The following PPP6R3 variants were observed in gnomAD, a reference collection of about 807,000 sequenced individuals.
The protein encoded by PPP6R3 is serine/threonine-protein phosphatase 6 regulatory subunit 3.
PPP6R3 carries 38 observed loss-of-function variants against 110.7 expected under a neutral mutation model. The observed-to-expected ratio is 0.34, with a 90% CI of 0.26 to 0.45. The LOEUF (loss-of-function observed/expected upper bound fraction) is 0.45, where lower values mean the gene tolerates loss of function less well. Ranked by LOEUF, PPP6R3 falls within the 20% of genes least tolerant of loss-of-function variation. The pLI, the probability that PPP6R3 is intolerant of heterozygous loss-of-function variation, is 1.00. For missense variants in PPP6R3, 870 were observed against 1,062.4 expected (o/e 0.82, Z 2.52); for synonymous variants, 369 against 373.5 (o/e 0.99, Z 0.14).
At chr11:68,542,390 T>TTTTTTTTTTTTTTG (rs2099322500) in intron 3 of PPP6R3, among the ~76,000 whole-genome samples, 1 of 54,660 alleles carries the variant, frequency 1.8e-5, no homozygotes, top group Non-Finnish European at 3.5e-5. Flanking sequence ...GAAGCTGCTG[T>TTTTTTTTTTTTTTG]TTTTTTTTTT....
chr11:68,500,541 G>C (rs1185027290), intron 1 of PPP6R3, among the ~76,000 whole-genome samples: 2 of 152,188 alleles, frequency 1.3e-5, no homozygotes, highest in African/African-American at 4.8e-5. Context: ...GCAGTGGTGT[G>C]ATCTTAGCTC....
chr11:68,599,684 G>A (rs1437687277), intron 19 of PPP6R3, among the ~76,000 whole-genome samples: 1 of 152,218 alleles, frequency 6.6e-6, no homozygotes, highest in Admixed American at 6.5e-5. Context: ...AAGATAGTAA[G>A]TCTCCATATA....
intron 1 of PPP6R3, among the ~76,000 whole-genome samples, chr11:68,462,707 A>G (rs777892974): frequency 2.0e-4 from 31 of 152,166 alleles, no homozygotes; most frequent in Non-Finnish European, 4.1e-4. Context: ...AAATGCCTGC[A>G]CTCAGTCAGA....
At chr11:68,539,375 A>G (rs2099295624) in intron 3 of PPP6R3, among the ~76,000 whole-genome samples, 1 of 152,196 alleles carries the variant, frequency 6.6e-6, no homozygotes, top group Non-Finnish European at 1.5e-5. Flanking sequence ...ACTTTCCACA[A>G]AAGTACTGCG....
At chr11:68,561,021 C>T (rs1000806645) in intron 8 of PPP6R3, among the ~76,000 whole-genome samples, 3 of 151,332 alleles carry the variant, frequency 2.0e-5, no homozygotes, top group East Asian at 1.9e-4. Flanking sequence ...CTCAGTCTCC[C>T]GAGTAGCTGG....
At chr11:68,534,765 T>A (rs967477172) in intron 2 of PPP6R3, among the ~76,000 whole-genome samples, 2 of 152,150 alleles carry the variant, frequency 1.3e-5, no homozygotes, top group South Asian at 2.1e-4. Context: ...AAATATATTT[T>A]AAAAAAAGGT....
At chr11:68,557,513 C>CT (rs1208252549) in intron 7 of PPP6R3, among the ~76,000 whole-genome samples, 3 of 151,458 alleles carry the variant, frequency 2.0e-5, no homozygotes, top group Non-Finnish European at 2.9e-5. Flanking sequence ...TTTTCTTTTT[C>CT]TTTTTTTTCT....
At chr11:68,476,862 T>C (rs981039994) in intron 1 of PPP6R3, among the ~76,000 whole-genome samples, 5 of 151,338 alleles carry the variant, frequency 3.3e-5, no homozygotes, top group African/African-American at 1.2e-4. Flanking sequence ...GCTCTACATA[T>C]ATATATTTTT....
rs186225959 is a variant in PPP6R3, at chr11:68,601,505, A to T, written c.2193-358A>T. Among the ~76,000 whole-genome samples, 69 of 152,336 alleles carry T rather than the reference A, an allele frequency of 4.5e-4. No individual in the cohort carries two copies. In the South Asian group the frequency reaches 0.013, roughly 30 times the overall value. ...GGTTTTTGTAAAACCAGTCAACCTG[A>T]TAAATACCGTTGCCATTGCACAATG... On this transcript the variant is annotated intron_variant, in intron 20 of 23. Coordinates refer to ENST00000393800, the MANE Select transcript of PPP6R3 (RefSeq NM_001164161.2).
At chr11:68,591,758 G>T (rs2099596012) in intron 18 of PPP6R3, 52 bp downstream of exon 18, 1 of 1,554,554 alleles carries the variant, frequency 6.4e-7, no homozygotes, top group South Asian at 1.2e-5. Context: ...TAAAGAAAAT[G>T]ATTATCATGA....
intron 1 of PPP6R3, among the ~76,000 whole-genome samples, chr11:68,470,543 G>T (rs1443119090): frequency 6.6e-6 from 1 of 152,152 alleles, no homozygotes; most frequent in African/African-American, 2.4e-5. Context: ...GAGTGAGATG[G>T]GTAAGTCATT....
chr11:68,490,240 C>G (rs2153432006), intron 1 of PPP6R3, among the ~76,000 whole-genome samples: 1 of 152,260 alleles, frequency 6.6e-6, no homozygotes, highest in Non-Finnish European at 1.5e-5. Flanking sequence ...CCTCTCAGTG[C>G]TATAAATATT....
chr11:68,551,503 C>T (rs2099376907), intron 6 of PPP6R3, among the ~76,000 whole-genome samples: 1 of 151,512 alleles, frequency 6.6e-6, no homozygotes, highest in East Asian at 1.9e-4. Flanking sequence ...TTTTTTTTCC[C>T]CTTTGAGACG....
At chr11:68,545,272 G>A (rs544463911) in intron 4 of PPP6R3, among the ~76,000 whole-genome samples, 1 of 152,178 alleles carries the variant, frequency 6.6e-6, no homozygotes, top group African/African-American at 2.4e-5. Context: ...TTGAGAAGTG[G>A]GTAGAAGATG....
At chr11:68,461,411 C>T (rs1014380405) in intron 1 of PPP6R3, among the ~76,000 whole-genome samples, 1 of 150,468 alleles carries the variant, frequency 6.6e-6, no homozygotes, top group Non-Finnish European at 1.5e-5. Context: ...TCCCAGTACC[C>T]TTCCCAGTGG....
intron 8 of PPP6R3, among the ~76,000 whole-genome samples, chr11:68,560,739 T>C (rs189872185): frequency 2.0e-5 from 3 of 152,242 alleles, no homozygotes; most frequent in Admixed American, 6.5e-5. Flanking sequence ...ACAAAAGCTA[T>C]ATTTGTTCCT....
At chr11:68,535,799 T>TAAAAA (rs1269536453) in intron 2 of PPP6R3, among the ~76,000 whole-genome samples, 2 of 78,384 alleles carry the variant, frequency 2.6e-5, no homozygotes, top group African/African-American at 9.4e-5. Flanking sequence ...CCGTCTCTAC[T>TAAAAA]AAAAAAAAAA....
intron 1 of PPP6R3, among the ~76,000 whole-genome samples, chr11:68,492,970 T>C (rs1292224500): frequency 1.3e-5 from 2 of 152,226 alleles, no homozygotes; most frequent in Non-Finnish European, 2.9e-5. Flanking sequence ...CATTTTGTTC[T>C]CCAGCCTTTC....
chr11:68,486,763 A>AT (rs1297919418), intron 1 of PPP6R3, among the ~76,000 whole-genome samples: 3 of 152,060 alleles, frequency 2.0e-5, no homozygotes, highest in Non-Finnish European at 2.9e-5. Context: ...TATTATTCAA[A>AT]TTTTAAATTT....
Sources: gnomAD v4.1 joint callset for allele counts (sites outside exome capture counted in the v4.1 genomes callset) on GRCh38, gnomAD v4.1.1 for gene constraint, MANE v1.5 for transcripts, NCBI Gene and HGNC (gene_info 2026-07-23, HGNC 2026-07-21) for gene names.